PCDH9: variants seen among roughly 807,000 people sequenced by gnomAD.
The protein encoded by PCDH9 is protocadherin 9, also known as protocadherin-9.
PCDH9 carries 24 observed loss-of-function variants against 70.6 expected under a neutral mutation model. That is an observed-to-expected ratio of 0.34 (90% CI 0.25 to 0.48). The LOEUF is 0.48. PCDH9 is among the 20% of genes least tolerant of loss of function. The probability of loss-of-function intolerance (pLI) is 0.99; values close to 1 mark genes in which losing one functional copy is unlikely to be tolerated. For synonymous variants in PCDH9, 562 were observed against 558.5 expected, an observed-to-expected ratio of 1.01 and a Z score of -0.09; for missense variants, 1,281 against 1,503.6, an observed-to-expected ratio of 0.85 and a Z score of 2.45.
At chr13:66,440,822 C>A (rs1459570331) in intron 4 of PCDH9, among the ~76,000 whole-genome samples, 3 of 151,606 alleles carry the variant, frequency 2.0e-5, no homozygotes, top group African/African-American at 7.3e-5. Flanking sequence ...TGTCTTTTTT[C>A]TTCTAGTTTT....
intron 3 of PCDH9, among the ~76,000 whole-genome samples, chr13:66,796,953 A>C (rs952435984): frequency 7.9e-5 from 12 of 152,120 alleles, no homozygotes; most frequent in Admixed American, 7.2e-4. Context: ...ACTGGAGAAA[A>C]AAATTCTGTG....
chr13:67,183,473 A>AT (rs1159327970), intron 2 of PCDH9, among the ~76,000 whole-genome samples: 5 of 152,144 alleles, frequency 3.3e-5, no homozygotes, highest in African/African-American at 1.2e-4. Context: ...CTCAGCTGCT[A>AT]TTTTTATTAT....
chr13:66,512,282 T>TTATATATATATATATATATATATA (rs35496834), intron 4 of PCDH9, among the ~76,000 whole-genome samples: 73 of 144,396 alleles, frequency 5.1e-4, no homozygotes, highest in African/African-American at 1.7e-3. Flanking sequence ...ACCTTAGGAA[T>TTATATATATATATATATATATATA]TATATATATA....
intron 4 of PCDH9, among the ~76,000 whole-genome samples, chr13:66,459,016 G>C (rs76595839): frequency 1.4e-3 from 211 of 152,024 alleles, no homozygotes; most frequent in African/African-American, 4.9e-3. Context: ...TGGCAGGGGA[G>C]GGGGAGCAGA....
At chr13:66,357,539 A>G (rs1956404559) in intron 4 of PCDH9, among the ~76,000 whole-genome samples, 1 of 152,080 alleles carries the variant, frequency 6.6e-6, no homozygotes, top group Non-Finnish European at 1.5e-5. Flanking sequence ...AATCCTTCAT[A>G]GCTACTCTCA....
At chr13:66,842,219 C>A (rs1035187208) in intron 3 of PCDH9, among the ~76,000 whole-genome samples, 9 of 152,076 alleles carry the variant, frequency 5.9e-5, no homozygotes, top group Non-Finnish European at 8.8e-5. Flanking sequence ...TCCAATAAAT[C>A]CTCATATAGT....
chr13:66,842,777 A>C (rs190041029), intron 3 of PCDH9, among the ~76,000 whole-genome samples: 7 of 152,320 alleles, frequency 4.6e-5, no homozygotes, highest in Admixed American at 2.6e-4. Flanking sequence ...AACTATTCCA[A>C]GCACTAATGA....
At chr13:66,640,371 A>G (rs2077693014) in intron 3 of PCDH9, among the ~76,000 whole-genome samples, 1 of 152,194 alleles carries the variant, frequency 6.6e-6, no homozygotes, top group South Asian at 2.1e-4. Flanking sequence ...CCCCTTGTTA[A>G]TAATTCTCCA....
At chr13:66,573,110 T>C (rs535830160) in intron 4 of PCDH9, among the ~76,000 whole-genome samples, 21 of 152,282 alleles carry the variant, frequency 1.4e-4, no homozygotes, top group Non-Finnish European at 2.4e-4. Context: ...TTTATCTTTT[T>C]GATGGTAGTC....
At chr13:66,820,921 T>C (rs1002753885) in intron 3 of PCDH9, among the ~76,000 whole-genome samples, 1 of 152,126 alleles carries the variant, frequency 6.6e-6, no homozygotes, top group Non-Finnish European at 1.5e-5. Context: ...TGAAATAATC[T>C]GTACAATGAA....
In PCDH9 at chr13:66,932,679, TATAC is replaced by T. The variant is rs1182564490; in HGVS notation, c.3037-29078_3037-29075del. On this transcript the variant is annotated intron_variant, in intron 2 of 4. Coordinates refer to ENST00000377865, the MANE Select transcript of PCDH9 (RefSeq NM_203487.3). The stretch of plus-strand genomic sequence containing the variant: ...CCTCACATATATATATATATATATA[TATAC>T]ACACACACACACGTATGTATATATC... Among the ~76,000 whole-genome samples, 67 of 143,328 alleles carry T rather than the reference TATAC, an allele frequency of 4.7e-4. No homozygotes were observed. The South Asian group carries it at 5.0e-3, about 11-fold the overall frequency. The allele number at this position is 143,328 out of a possible 152,430, so 94.0% of individuals were successfully genotyped here. A position where few individuals can be genotyped will look rare whatever the true frequency, so the allele number is the denominator to read the frequency against.
chr13:66,952,362 G>A (rs1218903120), intron 2 of PCDH9, among the ~76,000 whole-genome samples: 1 of 152,144 alleles, frequency 6.6e-6, no homozygotes, highest in African/African-American at 2.4e-5. Flanking sequence ...CTGCTTCACA[G>A]ACATGTCTTA....
At chr13:66,970,286 G>A (rs2083497189) in intron 2 of PCDH9, among the ~76,000 whole-genome samples, 2 of 151,738 alleles carry the variant, frequency 1.3e-5, no homozygotes, top group Admixed American at 6.6e-5. Context: ...GTGGGTCTTC[G>A]TGCATACTGA....
At chr13:67,133,425 G>C (rs1295115658) in intron 2 of PCDH9, among the ~76,000 whole-genome samples, 2 of 152,022 alleles carry the variant, frequency 1.3e-5, no homozygotes, top group Non-Finnish European at 2.9e-5. Flanking sequence ...TTTGCATAGA[G>C]GCTGAATGAG....
At chr13:66,708,596 G>A (rs1435233171) in intron 3 of PCDH9, among the ~76,000 whole-genome samples, 1 of 152,048 alleles carries the variant, frequency 6.6e-6, no homozygotes, top group Non-Finnish European at 1.5e-5. Flanking sequence ...TACAGTCTTA[G>A]AATGTAAAAA....
chr13:66,558,206 C>G (rs1234031104), intron 4 of PCDH9, among the ~76,000 whole-genome samples: 1 of 152,102 alleles, frequency 6.6e-6, no homozygotes, highest in East Asian at 1.9e-4. Context: ...CTTTCACATT[C>G]ATTACTAAAT....
intron 2 of PCDH9, among the ~76,000 whole-genome samples, chr13:67,174,320 T>TACATACATACATACAC (rs2088384216): frequency 6.6e-6 from 1 of 151,488 alleles, no homozygotes; most frequent in Non-Finnish European, 1.5e-5. Flanking sequence ...GATAGATACA[T>TACATACATACATACAC]ACATACATAC....
At chr13:66,703,069 T>C (rs1018939680) in intron 3 of PCDH9, among the ~76,000 whole-genome samples, 2 of 152,174 alleles carry the variant, frequency 1.3e-5, no homozygotes, top group Non-Finnish European at 2.9e-5. Flanking sequence ...TAATAAACCA[T>C]AAAATTACAA....
intron 4 of PCDH9, among the ~76,000 whole-genome samples, chr13:66,312,800 G>C (rs1265389863): frequency 6.6e-6 from 1 of 152,144 alleles, no homozygotes; most frequent in African/African-American, 2.4e-5. Flanking sequence ...CACACCACCA[G>C]GATTGGACAA....
Sources: gnomAD v4.1 joint callset for allele counts (sites outside exome capture counted in the v4.1 genomes callset) on GRCh38, gnomAD v4.1.1 for gene constraint, MANE v1.5 for transcripts, NCBI Gene and HGNC (gene_info 2026-07-23, HGNC 2026-07-21) for gene names.